Variants in MSH3 observed in about 807,000 individuals in gnomAD.
MSH3 encodes DNA mismatch repair protein Msh3.
In MSH3, 106 loss-of-function variants were observed where a neutral mutation model predicts 123.3. The observed-to-expected ratio is 0.86, with a 90% confidence interval of 0.73 to 1.01. MSH3 has a LOEUF of 1.01. MSH3 is among the 50% of genes least tolerant of loss of function. MSH3 has a pLI of 0.00. For synonymous variants in MSH3, 515 were observed against 481.4 expected, an observed-to-expected ratio of 1.07 and a Z score of -0.91; for missense variants, 1,459 against 1,347.6, an observed-to-expected ratio of 1.08 and a Z score of -1.29.
At chr5:80,742,811 G>C (rs138300821) in intron 11 of MSH3, among the ~76,000 whole-genome samples, 1 of 152,106 alleles carries the variant, frequency 6.6e-6, no homozygotes, top group African/African-American at 2.4e-5. Flanking sequence ...GACATTTCTC[G>C]GCTGAAGGAG....
At chr5:80,719,752 A>G (rs1286602157) in intron 8 of MSH3, among the ~76,000 whole-genome samples, 1 of 152,224 alleles carries the variant, frequency 6.6e-6, no homozygotes, top group Non-Finnish European at 1.5e-5. Flanking sequence ...CTCCATTGAG[A>G]GTCTTAGTTC....
intron 3 of MSH3, among the ~76,000 whole-genome samples, chr5:80,667,371 G>T (rs1749595472): frequency 2.0e-5 from 3 of 152,156 alleles, no homozygotes; most frequent in African/African-American, 2.4e-5. Context: ...AAAAGCAAAG[G>T]CATTCTTAGG....
chr5:80,696,378 A>G (rs1191872327), intron 8 of MSH3, among the ~76,000 whole-genome samples: 1 of 152,178 alleles, frequency 6.6e-6, no homozygotes, highest in Admixed American at 6.5e-5. Context: ...GGGTGGGACC[A>G]CAGGTTTTTC....
chr5:80,778,978 T>TTA, intron 17 of MSH3, 142 bp downstream of exon 17: 3 of 577,366 alleles, frequency 5.2e-6, no homozygotes, highest in Non-Finnish European at 6.0e-6. Context: ...CTGATTTTAT[T>TTA]TCTTTTTTTT....
chr5:80,859,189 C>T (rs1301203466), intron 21 of MSH3, among the ~76,000 whole-genome samples: 4 of 152,130 alleles, frequency 2.6e-5, no homozygotes, highest in Admixed American at 2.0e-4. Context: ...GGTACAATCT[C>T]AGCTCACTGC....
At chr5:80,839,733 T>A in intron 20 of MSH3, among the ~76,000 whole-genome samples, 1 of 152,170 alleles carries the variant, frequency 6.6e-6, no homozygotes, top group South Asian at 2.1e-4. Context: ...TTTTTGCACA[T>A]GTAGTTTTTA....
At chr5:80,673,068 C>A (rs1456163734) in intron 6 of MSH3, among the ~76,000 whole-genome samples, 1 of 152,074 alleles carries the variant, frequency 6.6e-6, no homozygotes, top group Non-Finnish European at 1.5e-5. Context: ...TAGTAGAAGG[C>A]AAGTTCATCA....
intron 10 of MSH3, among the ~76,000 whole-genome samples, chr5:80,737,603 G>A (rs1038841974): frequency 6.6e-6 from 1 of 152,130 alleles, no homozygotes; most frequent in Admixed American, 6.5e-5. Context: ...AGAATTGCTT[G>A]AGTGTTTCAG....
intron 18 of MSH3, among the ~76,000 whole-genome samples, chr5:80,788,839 A>G (rs1744560949): frequency 6.6e-6 from 1 of 151,978 alleles, no homozygotes; most frequent in African/African-American, 2.4e-5. Flanking sequence ...TTTAAAAAAT[A>G]CAAAATTAAA....
intron 12 of MSH3, chr5:80,746,624 G>T: frequency 3.0e-6 from 1 of 336,238 alleles, no homozygotes. Flanking sequence ...GAGGAGGACG[G>T]CCATTTTTGT....
chr5:80,802,857 A>G (rs1439001597), intron 19 of MSH3, among the ~76,000 whole-genome samples: 1 of 152,270 alleles, frequency 6.6e-6, no homozygotes, highest in East Asian at 1.9e-4. Flanking sequence ...ATTTCACTTA[A>G]CATAATATCC....
intron 20 of MSH3, among the ~76,000 whole-genome samples, chr5:80,818,595 A>G (rs918955529): frequency 6.6e-6 from 1 of 152,182 alleles, no homozygotes; most frequent in Non-Finnish European, 1.5e-5. Context: ...ATCTAATGAT[A>G]CTGAAGAATT....
intron 20 of MSH3, among the ~76,000 whole-genome samples, chr5:80,816,425 TAAAAAACATAGACA>T (rs377106021): frequency 2.0e-4 from 31 of 152,284 alleles, no homozygotes; most frequent in African/African-American, 7.5e-4. Flanking sequence ...TCCTTTAGCA[TAAAAAACATAGACA>T]ATGAGTGAAG....
intron 20 of MSH3, among the ~76,000 whole-genome samples, chr5:80,823,455 G>A (rs187912816): frequency 6.6e-6 from 1 of 152,236 alleles, no homozygotes; most frequent in Admixed American, 6.5e-5. Flanking sequence ...CAATATATCA[G>A]ACCTTACTTG....
chr5:80,863,767 A>G lies in MSH3; in HGVS notation c.3001-1046A>G, dbSNP rs774975132. Among the ~76,000 whole-genome samples the G allele has an allele frequency of 1.3e-4, 20 of 152,292 alleles. 1 individual carries two copies. Among genetic ancestry groups the G allele is most frequent in the Middle Eastern group, 3.4e-3 (1 of 294 alleles). On this transcript the variant is annotated intron_variant, in intron 21 of 23. Coordinates refer to ENST00000265081, the MANE Select transcript of MSH3 (RefSeq NM_002439.5). The stretch of plus-strand genomic sequence containing the variant: ...AAATTTAAACATTTTCTGGTTGACA[A>G]TTGGTTGAGTTTATGTGAAGACCTG...
At chr5:80,868,851 C>G (rs938840498) in intron 22 of MSH3, among the ~76,000 whole-genome samples, 4 of 151,792 alleles carry the variant, frequency 2.6e-5, no homozygotes, top group Non-Finnish European at 5.9e-5. Context: ...GATTGAAAAC[C>G]ATTTCACTCA....
intron 21 of MSH3, chr5:80,855,865 C>G (rs1349713471): frequency 2.1e-5 from 3 of 142,600 alleles, no homozygotes; most frequent in African/African-American, 7.8e-5. Context: ...TCTCTTCCTC[C>G]TCCTCCTCTT....
intron 20 of MSH3, among the ~76,000 whole-genome samples, chr5:80,850,551 C>T (rs533592965): frequency 1.3e-5 from 2 of 152,300 alleles, no homozygotes; most frequent in African/African-American, 4.8e-5. Context: ...TGGCAGCAGG[C>T]AAAGACAGAG....
At chr5:80,694,354 CTT>C (rs1750422320) in intron 8 of MSH3, among the ~76,000 whole-genome samples, 1 of 152,108 alleles carries the variant, frequency 6.6e-6, no homozygotes, top group Non-Finnish European at 1.5e-5. Flanking sequence ...ATATACATAA[CTT>C]ATCACAGTGT....
Sources: allele counts gnomAD v4.1 joint callset (sites outside exome capture counted in the v4.1 genomes callset), GRCh38; gene constraint gnomAD v4.1.1; transcripts MANE v1.5; gene names NCBI Gene and HGNC (gene_info 2026-07-23, HGNC 2026-07-21).